Variants in MED13L observed in about 807,000 individuals in gnomAD.
MED13L encodes mediator complex subunit 13L.
MED13L carries 7 observed loss-of-function variants against 220.9 expected under a neutral mutation model. The observed-to-expected ratio is 0.03, with a 90% CI of 0.02 to 0.06. The LOEUF (loss-of-function observed/expected upper bound fraction) is 0.06. Among genes scored for constraint, MED13L ranks in the 10% least tolerant of loss-of-function variants. The pLI is 1.00. For synonymous variants in MED13L, 1,011 were observed against 1,015.2 expected (o/e 1.00, Z 0.08); for missense variants, 1,965 against 2,760.5 (o/e 0.71, Z 6.46).
intron 1 of MED13L, among the ~76,000 whole-genome samples, chr12:116,244,827 C>T (rs2138492392): frequency 6.6e-6 from 1 of 152,292 alleles, no homozygotes; most frequent in African/African-American, 2.4e-5. Context: ...CGCTGCTTGC[C>T]TGTAGTCCCA....
chr12:116,104,388 A>G (rs1372878041), intron 3 of MED13L, among the ~76,000 whole-genome samples: 1 of 152,166 alleles, frequency 6.6e-6, no homozygotes, highest in Admixed American at 6.6e-5. Context: ...GGAATAGACA[A>G]ATATAATGCT....
intron 2 of MED13L, among the ~76,000 whole-genome samples, chr12:116,227,469 T>C (rs1236409886): frequency 6.6e-6 from 1 of 152,236 alleles, no homozygotes; most frequent in Non-Finnish European, 1.5e-5. Context: ...TCAAAAAGCA[T>C]GTGCTCAATT....
intron 2 of MED13L, among the ~76,000 whole-genome samples, chr12:116,120,762 T>C (rs1466086272): frequency 6.6e-6 from 1 of 152,080 alleles, no homozygotes; most frequent in Non-Finnish European, 1.5e-5. Flanking sequence ...TTTTGATCTT[T>C]CCAGTTTCTA....
chr12:116,068,284 G>A (rs1400352469), intron 4 of MED13L, among the ~76,000 whole-genome samples: 2 of 152,154 alleles, frequency 1.3e-5, no homozygotes, highest in Non-Finnish European at 2.9e-5. Flanking sequence ...CAGGCCAGAA[G>A]AATCTCCACA....
At chr12:116,276,590 T>A (rs1873858995) in intron 1 of MED13L, 1 of 1,213,120 alleles carries the variant, frequency 8.2e-7, no homozygotes, top group African/African-American at 1.6e-5. Flanking sequence ...ATTGCAGGTG[T>A]CATTATGGAA....
At chr12:116,257,300 T>C (rs981988449) in intron 1 of MED13L, among the ~76,000 whole-genome samples, 4 of 152,154 alleles carry the variant, frequency 2.6e-5, no homozygotes, top group African/African-American at 7.2e-5. Flanking sequence ...CCTTCCCCCA[T>C]AGTAACATAC....
chr12:116,080,125 G>A (rs568187930), intron 4 of MED13L, among the ~76,000 whole-genome samples: 1 of 151,956 alleles, frequency 6.6e-6, no homozygotes, highest in East Asian at 1.9e-4. Context: ...GAAGCCAAAA[G>A]GTTGGACACC....
chr12:116,205,691 T>C (rs1037518367), intron 2 of MED13L, among the ~76,000 whole-genome samples: 1 of 152,076 alleles, frequency 6.6e-6, no homozygotes, highest in Non-Finnish European at 1.5e-5. Flanking sequence ...TTTTGGTAAA[T>C]GGCCACCAAT....
intron 9 of MED13L, among the ~76,000 whole-genome samples, chr12:116,009,900 G>A (rs1036302546): frequency 3.3e-5 from 5 of 152,132 alleles, no homozygotes; most frequent in Non-Finnish European, 5.9e-5. Flanking sequence ...GGTTTAATCT[G>A]TACAACAAAG....
intron 1 of MED13L, 128 bp downstream of exon 1, chr12:116,276,932 C>T: frequency 9.1e-7 from 1 of 1,097,864 alleles, no homozygotes; most frequent in Non-Finnish European, 1.3e-6. Flanking sequence ...CGGCGAGAGG[C>T]GAACGGCGGG....
chr12:116,091,718 G>A (rs1171333418), intron 4 of MED13L, among the ~76,000 whole-genome samples: 1 of 152,140 alleles, frequency 6.6e-6, no homozygotes, highest in Non-Finnish European at 1.5e-5. Context: ...ACTTGAAACT[G>A]CCAATGTTAT....
chr12:116,227,754 A>G (rs1165148526), intron 2 of MED13L, among the ~76,000 whole-genome samples: 5 of 152,166 alleles, frequency 3.3e-5, no homozygotes, highest in Admixed American at 2.6e-4. Context: ...CCAATTAATA[A>G]CCCTACAATG....
At chr12:116,260,197 T>C (rs1477781542) in intron 1 of MED13L, among the ~76,000 whole-genome samples, 2 of 152,124 alleles carry the variant, frequency 1.3e-5, no homozygotes, top group Non-Finnish European at 2.9e-5. Context: ...ACCTTCAGGG[T>C]AGCCAAGTGA....
intron 13 of MED13L, 110 bp downstream of exon 13, chr12:116,005,759 A>G: frequency 7.2e-7 from 1 of 1,397,778 alleles, no homozygotes; most frequent in Non-Finnish European, 1.0e-6. Flanking sequence ...CAGAACCTGA[A>G]ATAAGAGCCC....
intron 4 of MED13L, among the ~76,000 whole-genome samples, chr12:116,086,304 CA>C (rs55864613): frequency 0.92 from 136,363 of 147,676 alleles, 62,972 homozygotes; most frequent in Admixed American, 0.95. Flanking sequence ...TTTTTTGAGA[CA>C]AGAGTCTCAT....
chr12:116,113,483 A>AG (rs1458106816), intron 2 of MED13L, among the ~76,000 whole-genome samples: 2 of 147,136 alleles, frequency 1.4e-5, no homozygotes, highest in African/African-American at 5.0e-5. Flanking sequence ...CAAAAAAAAA[A>AG]AAAATTATAT....
intron 3 of MED13L, among the ~76,000 whole-genome samples, chr12:116,102,431 C>T (rs960705525): frequency 6.6e-6 from 1 of 152,152 alleles, no homozygotes; most frequent in Non-Finnish European, 1.5e-5. Flanking sequence ...GGTTTCCCTA[C>T]CATAATCTCA....
chr12:116,071,861 C>T (rs1351276939), intron 4 of MED13L, among the ~76,000 whole-genome samples: 1 of 152,150 alleles, frequency 6.6e-6, no homozygotes, highest in Non-Finnish European at 1.5e-5. Flanking sequence ...CATTAAACAC[C>T]ACTACTTAAA....
At chr12:116,056,864 T>C (rs1385954473) in intron 4 of MED13L, among the ~76,000 whole-genome samples, 2 of 152,192 alleles carry the variant, frequency 1.3e-5, no homozygotes, top group Admixed American at 1.3e-4. Context: ...AAAAGATAAA[T>C]TTTGCTGTGG....
Sources: gnomAD v4.1 joint callset for allele counts (sites outside exome capture counted in the v4.1 genomes callset) on GRCh38, gnomAD v4.1.1 for gene constraint, MANE v1.5 for transcripts, NCBI Gene and HGNC (gene_info 2026-07-23, HGNC 2026-07-21) for gene names.